Variants in RIMS2 observed in about 807,000 individuals in gnomAD.
RIMS2 encodes the protein regulating synaptic membrane exocytosis 2.
In RIMS2, 59 loss-of-function variants were observed where a neutral mutation model predicts 174.4. That is an observed-to-expected ratio of 0.34 (90% CI 0.27 to 0.42). The LOEUF is 0.42. Ranked by LOEUF, RIMS2 falls within the 10% of genes least tolerant of loss-of-function variation. RIMS2 has a pLI of 1.00. For missense variants in RIMS2, 1,620 were observed against 1,666.3 expected, an observed-to-expected ratio of 0.97 and a Z score of 0.48; for synonymous variants, 606 against 572.5, an observed-to-expected ratio of 1.06 and a Z score of -0.84.
intron 1 of RIMS2, among the ~76,000 whole-genome samples, chr8:103,537,402 C>T (rs1469404972): frequency 6.6e-6 from 1 of 152,190 alleles, no homozygotes; most frequent in Non-Finnish European, 1.5e-5. Context: ...TCTCACTAAA[C>T]ACATACTTTA....
rs1424845275 is a variant in RIMS2, at chr8:103,837,244, T to C, written c.699-48054T>C. On this transcript the variant is annotated intron_variant, in intron 3 of 23. Coordinates refer to ENST00000504942, the Ensembl canonical transcript of RIMS2. Reference sequence around the variant, plus strand: ...GTGTGGACTAGCATTGGCACTTATCTGAAAGCTCTTGGGAAGAACGTACTT... The same window carrying C: ...GTGTGGACTAGCATTGGCACTTATCCGAAAGCTCTTGGGAAGAACGTACTT... Among the ~76,000 whole-genome samples, 4 of 152,220 alleles carry C rather than the reference T, an allele frequency of 2.6e-5. No individual in the cohort carries two copies. The East Asian group carries it at 7.7e-4, about 29-fold the overall frequency.
At chr8:103,711,409 T>C (rs2097301862) in intron 2 of RIMS2, among the ~76,000 whole-genome samples, 1 of 152,202 alleles carries the variant, frequency 6.6e-6, no homozygotes, top group Non-Finnish European at 1.5e-5. Flanking sequence ...AGAATTAGAA[T>C]TTGGATGTGA....
chr8:103,992,249 C>T (rs1235465580), intron 17 of RIMS2, among the ~76,000 whole-genome samples: 1 of 149,588 alleles, frequency 6.7e-6, no homozygotes, highest in Non-Finnish European at 1.5e-5. Flanking sequence ...GCTGGGATTA[C>T]AGGCATGTGC....
chr8:103,872,195 C>T (rs567476323), intron 3 of RIMS2, among the ~76,000 whole-genome samples: 1 of 152,316 alleles, frequency 6.6e-6, no homozygotes, highest in African/African-American at 2.4e-5. Context: ...TCATGATAGA[C>T]TCTTGGCTCC....
At chr8:103,630,580 C>CAAAAAAAAAAAAAAAAAAAAAAAAAAA (rs61194218) in intron 1 of RIMS2, among the ~76,000 whole-genome samples, 1 of 86,982 alleles carries the variant, frequency 1.1e-5, no homozygotes, top group Non-Finnish European at 2.3e-5. Context: ...AACTCCATCT[C>CAAAAAAAAAAAAAAAAAAAAAAAAAAA]AAAAAAAAAA....
intron 1 of RIMS2, among the ~76,000 whole-genome samples, chr8:103,578,211 C>G (rs1036740232): frequency 2.0e-5 from 3 of 152,110 alleles, no homozygotes; most frequent in Non-Finnish European, 4.4e-5. Flanking sequence ...AGAGAGGATT[C>G]TAAATGCAGC....
intron 2 of RIMS2, among the ~76,000 whole-genome samples, chr8:103,760,309 G>A (rs2098095472): frequency 6.6e-6 from 1 of 152,192 alleles, no homozygotes; most frequent in Non-Finnish European, 1.5e-5. Context: ...GGTAAATCTG[G>A]AAGTTCTGCT....
intron 1 of RIMS2, among the ~76,000 whole-genome samples, chr8:103,529,932 G>A (rs1836201842): frequency 6.6e-6 from 1 of 152,130 alleles, no homozygotes; most frequent in Non-Finnish European, 1.5e-5. Flanking sequence ...TCATTGCTAT[G>A]GAAGGCTAAC....
intron 19 of RIMS2, among the ~76,000 whole-genome samples, chr8:104,101,215 C>CGGAAAA (rs1326399725): frequency 1.3e-5 from 2 of 150,896 alleles, no homozygotes; most frequent in African/African-American, 4.9e-5. Flanking sequence ...CAACTTCCGT[C>CGGAAAA]ACCCGGGTTC....
At chr8:104,189,607 A>AATAT (rs543361079) in intron 19 of RIMS2, among the ~76,000 whole-genome samples, 66 of 147,468 alleles carry the variant, frequency 4.5e-4, no homozygotes, top group African/African-American at 1.6e-3. Flanking sequence ...TATTTATGTA[A>AATAT]ATATATATAT....
At chr8:103,949,042 G>A (rs996789033) in intron 14 of RIMS2, among the ~76,000 whole-genome samples, 16 of 146,256 alleles carry the variant, frequency 1.1e-4, no homozygotes, top group Non-Finnish European at 1.9e-4. Flanking sequence ...TGGTAAGATG[G>A]CTTGAGCCTG....
intron 2 of RIMS2, among the ~76,000 whole-genome samples, chr8:103,755,047 G>GT (rs2097964395): frequency 6.6e-6 from 1 of 152,176 alleles, no homozygotes; most frequent in Non-Finnish European, 1.5e-5. Flanking sequence ...AATTTGGTAT[G>GT]TTTTTGCAGT....
At chr8:103,607,130 T>C (rs9774571) in intron 1 of RIMS2, among the ~76,000 whole-genome samples, 9,076 of 152,208 alleles carry the variant, frequency 0.06, 902 homozygotes, top group African/African-American at 0.2. Flanking sequence ...GATTTTGCAG[T>C]GGCTGGTGCC....
At chr8:103,648,061 A>G (rs1470395947) in intron 1 of RIMS2, among the ~76,000 whole-genome samples, 3 of 152,030 alleles carry the variant, frequency 2.0e-5, no homozygotes, top group Admixed American at 6.6e-5. Context: ...ATTTAATGCT[A>G]TAAATTTCCC....
intron 19 of RIMS2, among the ~76,000 whole-genome samples, chr8:104,044,526 TA>T (rs2096661385): frequency 8.1e-6 from 1 of 123,336 alleles, no homozygotes; most frequent in Non-Finnish European, 1.7e-5. Context: ...CAACTTTTCT[TA>T]CAAAAAAAAA....
intron 19 of RIMS2, among the ~76,000 whole-genome samples, chr8:104,189,222 G>A (rs529133664): frequency 6.6e-4 from 100 of 151,998 alleles, no homozygotes; most frequent in African/African-American, 2.0e-3. Flanking sequence ...AATAAGTTTC[G>A]AAACAAGGAA....
intron 3 of RIMS2, among the ~76,000 whole-genome samples, chr8:103,772,314 A>G (rs1328003266): frequency 6.6e-6 from 1 of 151,964 alleles, no homozygotes; most frequent in Admixed American, 6.5e-5. Flanking sequence ...AATATAGTCA[A>G]TGTCTGATAA....
intron 1 of RIMS2, among the ~76,000 whole-genome samples, chr8:103,586,458 A>G (rs930454235): frequency 1.3e-5 from 2 of 152,184 alleles, no homozygotes; most frequent in African/African-American, 4.8e-5. Context: ...GGGAAACTAA[A>G]CAAACACATG....
At chr8:104,088,223 A>G (rs2097570200) in intron 19 of RIMS2, among the ~76,000 whole-genome samples, 1 of 152,104 alleles carries the variant, frequency 6.6e-6, no homozygotes, top group Non-Finnish European at 1.5e-5. Flanking sequence ...GAGAAAAAGT[A>G]CCTGCAATTG....
Sources: allele counts gnomAD v4.1 joint callset (sites outside exome capture counted in the v4.1 genomes callset), GRCh38; gene constraint gnomAD v4.1.1; transcripts MANE v1.5; gene names NCBI Gene and HGNC (gene_info 2026-07-23, HGNC 2026-07-21).